ARVCF: variants seen among roughly 807,000 people sequenced by gnomAD.
The protein encoded by ARVCF is splicing regulator ARVCF.
In ARVCF, 66 loss-of-function variants were observed where a neutral mutation model predicts 90.9. The observed-to-expected ratio is 0.73, with a 90% CI of 0.60 to 0.89. ARVCF has a LOEUF of 0.89. ARVCF is among the 40% of genes least tolerant of loss of function. The pLI, the probability that ARVCF is intolerant of heterozygous loss-of-function variation, is 0.00. For missense variants in ARVCF, 1,469 were observed against 1,382.3 expected (o/e 1.06, Z -1.00); for synonymous variants, 653 against 603.4 (o/e 1.08, Z -1.21).
chr22:19,973,857 T>C (rs1392625556), intron 12 of ARVCF, 64 bp from the exon 13 acceptor site: 1 of 1,554,960 alleles, frequency 6.4e-7, no homozygotes, highest in African/African-American at 1.3e-5. Context: ...CTCCAGACGC[T>C]GACCGCTCTC....
At chr22:19,986,288 T>C (rs764902403) in intron 3 of ARVCF, among the ~76,000 whole-genome samples, 3 of 152,200 alleles carry the variant, frequency 2.0e-5, no homozygotes, top group Non-Finnish European at 4.4e-5. Flanking sequence ...AGGGGCCTAG[T>C]TGCCCAGGTA....
chr22:19,972,059 C>T (rs918865248), intron 17 of ARVCF, 88 bp from the exon 18 acceptor site: 1 of 1,298,454 alleles, frequency 7.7e-7, no homozygotes, highest in Admixed American at 2.1e-5. Context: ...ACACAGGGGA[C>T]TCGTGGGACA....
intron 1 of ARVCF, among the ~76,000 whole-genome samples, chr22:20,013,203 T>G (rs1244519325): frequency 1.3e-5 from 2 of 152,276 alleles, no homozygotes; most frequent in Non-Finnish European, 2.9e-5. Context: ...CTAGGCCTGC[T>G]GCCACCCTGG....
In ARVCF at chr22:19,973,754, C is replaced by T. The variant is rs762983344; in HGVS notation, c.2128G>A (p.Gly710Arg). 13 of 1,608,150 alleles carry T rather than the reference C, an allele frequency of 8.1e-6. No individual in the cohort carries two copies. Among genetic ancestry groups the T allele is most frequent in the South Asian group, 2.2e-5 (2 of 91,080 alleles). The change falls in exon 13 of 20, where the codon GGG becomes AGG. Residue 710 changes from glycine to arginine, a missense_variant. By Grantham distance (125) the Gly-to-Arg change is moderately radical. Coordinates refer to ENST00000263207, the MANE Select transcript of ARVCF (RefSeq NM_001670.3). The part of the protein sequence containing the change: ...YIRATVRKER[G>R]LPVLVELLQS... ...AGCAGTTCCACAAGCACCGGCAGCC[C>T]GCGCTCTTTGCGCACTGTGGCGCGG...
chr22:20,004,114 C>A (rs1944536770), intron 2 of ARVCF, among the ~76,000 whole-genome samples: 1 of 151,990 alleles, frequency 6.6e-6, no homozygotes, highest in Non-Finnish European at 1.5e-5. Context: ...AAAAACTATT[C>A]CATTTACAAT....
intron 2 of ARVCF, among the ~76,000 whole-genome samples, chr22:20,003,165 A>G (rs1944502888): frequency 6.6e-6 from 1 of 152,240 alleles, no homozygotes; most frequent in African/African-American, 2.4e-5. Context: ...CAACCTACCA[A>G]GACTGAATCA....
At position 19,978,956 on chromosome 22, in the gene ARVCF, G is replaced by A. The variant is rs1943321102; in HGVS notation, c.1521C>T (p.Asp507=). 6.2e-7 allele frequency: 1 copy of A among 1,613,202 alleles called. No individual in the cohort carries two copies. Among genetic ancestry groups the A allele is most frequent in the Non-Finnish European group, 8.5e-7 (1 of 1,179,918 alleles). The change falls in exon 7 of 20, where the codon GAC becomes GAT. Residue 507 remains aspartate, a synonymous_variant. Transcript: ENST00000263207. ...HSGWEREPNE[D]SKPRDAEWTT... is the part of the protein sequence containing the mutation. ...TCCACTCGGCGTCCCGTGGCTTGGA[G>A]TCCTCGTTGGGCTCACGCTCCCATC...
chr22:19,974,510 A>T (rs1943039666), intron 11 of ARVCF, among the ~76,000 whole-genome samples: 1 of 152,134 alleles, frequency 6.6e-6, no homozygotes, highest in Non-Finnish European at 1.5e-5. Context: ...GGGAGGTGTC[A>T]ACCAGGAACG....
intron 6 of ARVCF, 23 bp downstream of exon 6, chr22:19,979,720 G>A (rs775296887): frequency 5.7e-6 from 9 of 1,575,536 alleles, no homozygotes; most frequent in Middle Eastern, 1.7e-4. Flanking sequence ...CAGGGGATGT[G>A]AGCATGGCCA....
chr22:19,987,194 C>G (rs905411796), intron 3 of ARVCF: 1 of 402,352 alleles, frequency 2.5e-6, no homozygotes, highest in Non-Finnish European at 4.4e-6. Flanking sequence ...GCTCGGCGGA[C>G]TCGCTCCCCG....
At chr22:19,975,286 C>T (rs1009720088) in intron 11 of ARVCF, among the ~76,000 whole-genome samples, 1 of 152,220 alleles carries the variant, frequency 6.6e-6, no homozygotes, top group Non-Finnish European at 1.5e-5. Context: ...TTCGTCTGGC[C>T]CAGCCTCTGA....
intron 2 of ARVCF, among the ~76,000 whole-genome samples, chr22:19,993,512 A>C (rs1408553269): frequency 6.6e-6 from 1 of 152,192 alleles, no homozygotes; most frequent in African/African-American, 2.4e-5. Flanking sequence ...AAGGCTAGGA[A>C]GGGGGACACT....
chr22:19,990,321 C>A (rs1260364919), intron 3 of ARVCF, among the ~76,000 whole-genome samples: 2 of 152,198 alleles, frequency 1.3e-5, no homozygotes, highest in Non-Finnish European at 2.9e-5. Context: ...CCAGAACAGA[C>A]CCCATCCAGC....
At chr22:19,968,585 T>C (rs1352090775), downstream of ARVCF, 1 of 1,614,068 alleles carries the variant, frequency 6.2e-7, no homozygotes, top group South Asian at 1.1e-5. Context: ...GACAACGTGA[T>C]CTGCCCAGGT....
intron 2 of ARVCF, among the ~76,000 whole-genome samples, chr22:19,993,637 C>T (rs901775776): frequency 1.3e-5 from 2 of 152,214 alleles, no homozygotes; most frequent in African/African-American, 2.4e-5. Flanking sequence ...ACACAGCAAC[C>T]AGCTTCATGC....
rs199601953 is a variant in ARVCF at position 19,978,011 on chromosome 22, C to T, written c.1645G>A (p.Ala549Thr). 8.7e-6 allele frequency: 14 copies of T among 1,612,048 alleles called. No homozygotes were observed. Among genetic ancestry groups the T allele is most frequent in the Admixed American group, 8.3e-5 (5 of 59,922 alleles). Residue 549 changes from alanine to threonine, a missense_variant, in exon 8 of 20, where the codon GCG (alanine) becomes ACG (threonine). Transcript: ENST00000263207. ...GCCGACTGCAGGGCATGCAGGAGCG[C>T]GTCCACCAGCCCTTCACACTCCCGG... The part of the protein sequence containing the change: ...RLRECEGLVD[A>T]LLHALQSAVG...
chr22:19,974,291 A>G (rs1272020296), intron 11 of ARVCF, 52 bp from the exon 12 acceptor site: 9 of 1,537,634 alleles, frequency 5.9e-6, no homozygotes, highest in Admixed American at 1.9e-5. Context: ...GCTCTCATCC[A>G]TCATACCCCT....
At chr22:20,001,004 C>T (rs535888613) in intron 2 of ARVCF, among the ~76,000 whole-genome samples, 1 of 152,308 alleles carries the variant, frequency 6.6e-6, no homozygotes, top group East Asian at 1.9e-4. Context: ...GGCACAGGGA[C>T]CCACAGCTGC....
chr22:19,970,533 T>C lies in ARVCF; in HGVS notation c.*223A>G. 8.6e-7 allele frequency: 1 copy of C among 1,167,034 alleles called. No individual in the cohort carries two copies. 72.3% of individuals were successfully genotyped at this position (1,167,034 alleles called of 1,614,324 possible). On this transcript the variant is annotated 3_prime_UTR_variant, in exon 20 of 20. Transcript: ENST00000263207. Reference sequence around the variant, plus strand: ...TCACTCGCTCACACACAGCACCATGTCAGTAAACAGCTAACTCAGGCCTAG... The same window carrying C: ...TCACTCGCTCACACACAGCACCATGCCAGTAAACAGCTAACTCAGGCCTAG...
Sources: allele counts gnomAD v4.1 joint callset (sites outside exome capture counted in the v4.1 genomes callset), GRCh38; gene constraint gnomAD v4.1.1; transcripts MANE v1.5; gene names NCBI Gene and HGNC (gene_info 2026-07-23, HGNC 2026-07-21).